The following SLC9A9 variants were observed in gnomAD, a reference collection of about 807,000 sequenced individuals.
The protein encoded by SLC9A9 is sodium/hydrogen exchanger 9.
SLC9A9 carries 62 observed loss-of-function variants against 77.8 expected under a neutral mutation model. That is an observed-to-expected ratio of 0.80 (90% CI 0.65 to 0.98). The LOEUF is 0.98. SLC9A9 is among the 50% of genes least tolerant of loss of function. The pLI is 0.00. For missense variants in SLC9A9, 775 were observed against 774.9 expected (o/e 1.00, Z 0.00); for synonymous variants, 320 against 283.5 (o/e 1.13, Z -1.29).
intron 4 of SLC9A9, among the ~76,000 whole-genome samples, chr3:143,710,579 A>C (rs79108291): frequency 0.028 from 4,245 of 152,282 alleles, 225 homozygotes; most frequent in African/African-American, 0.098. Flanking sequence ...GTCCAGAATC[A>C]CTTGTTTTAA....
intron 14 of SLC9A9, among the ~76,000 whole-genome samples, chr3:143,324,269 T>A (rs2031510683): frequency 3.9e-5 from 6 of 152,160 alleles, no homozygotes; most frequent in Admixed American, 3.9e-4. Flanking sequence ...GAGCCTTGTC[T>A]AAGTCCAGAA....
intron 13 of SLC9A9, among the ~76,000 whole-genome samples, chr3:143,373,131 T>A (rs1311473284): frequency 6.6e-6 from 1 of 152,056 alleles, no homozygotes; most frequent in African/African-American, 2.4e-5. Context: ...AGTCAATATA[T>A]CAAAAAGACA....
chr3:143,697,516 T>C (rs1245218933), intron 4 of SLC9A9, among the ~76,000 whole-genome samples: 1 of 126,186 alleles, frequency 7.9e-6, no homozygotes, highest in African/African-American at 2.8e-5. Flanking sequence ...AATTATTCCT[T>C]TTACAAATGA....
At chr3:143,596,946 G>A (rs1399014545) in intron 6 of SLC9A9, among the ~76,000 whole-genome samples, 1 of 152,180 alleles carries the variant, frequency 6.6e-6, no homozygotes, top group Admixed American at 6.5e-5. Context: ...ACAGGTATGA[G>A]CCACCACACA....
Position 143,552,532 on chromosome 3 carries a change from A to G in SLC9A9, c.1001-82T>C, listed in dbSNP as rs1015232631. 7.7e-6 allele frequency: 9 copies of G among 1,168,010 alleles called. No individual in the cohort carries two copies. The African/African-American group carries it at 1.1e-4, about 14-fold the overall frequency. The allele number at this position is 1,168,010 out of a possible 1,614,324, so 72.4% of individuals were successfully genotyped here. On this transcript the variant is annotated intron_variant, in intron 8 of 15. Coordinates refer to ENST00000316549, the MANE Select transcript of SLC9A9 (RefSeq NM_173653.4). The stretch of plus-strand genomic sequence containing the variant: ...AGGTTAGGGCTATTCCAGTTGGAAA[A>G]TAGACTTGGTGTCAGTAGAGTTAAA...
At chr3:143,325,177 A>G (rs986863072) in intron 14 of SLC9A9, among the ~76,000 whole-genome samples, 11 of 150,626 alleles carry the variant, frequency 7.3e-5, no homozygotes, top group Non-Finnish European at 8.8e-5. Context: ...ATTTGTCTTT[A>G]TTGGCTGTGT....
chr3:143,410,368 G>A (rs1013596573), intron 12 of SLC9A9, among the ~76,000 whole-genome samples: 8 of 152,178 alleles, frequency 5.3e-5, no homozygotes, highest in African/African-American at 1.9e-4. Context: ...CCAACTCCCT[G>A]TATTCAAAAT....
intron 6 of SLC9A9, among the ~76,000 whole-genome samples, chr3:143,598,952 C>A (rs975660471): frequency 7.9e-5 from 12 of 152,134 alleles, no homozygotes; most frequent in African/African-American, 2.9e-4. Context: ...TGTTTTGAGG[C>A]CATTGATTTG....
At chr3:143,487,205 CA>C (rs34290974) in intron 11 of SLC9A9, among the ~76,000 whole-genome samples, 33,225 of 151,714 alleles carry the variant, frequency 0.22, 4,755 homozygotes, top group Non-Finnish European at 0.32. Context: ...TCCAGTACTG[CA>C]AGAAGATATA....
chr3:143,266,540 T>C lies in SLC9A9; in HGVS notation c.*162A>G. 1 of 723,212 alleles carries C rather than the reference T, an allele frequency of 1.4e-6. No individual in the cohort carries two copies. Among genetic ancestry groups the C allele is most frequent in the Non-Finnish European group, 2.4e-6 (1 of 424,436 alleles). 44.8% of individuals were successfully genotyped at this position (723,212 alleles called of 1,614,324 possible). On this transcript the variant is annotated 3_prime_UTR_variant, in exon 16 of 16. Transcript: ENST00000316549. ...TAGAGAGGGATAATAAAATCTCATTTCTTCAGGCACCAGAGGATCCATGTG... is the reference window on the plus strand; with the variant it reads ...TAGAGAGGGATAATAAAATCTCATTCCTTCAGGCACCAGAGGATCCATGTG...
chr3:143,489,451 A>T (rs1330197085), intron 11 of SLC9A9, among the ~76,000 whole-genome samples: 3 of 151,970 alleles, frequency 2.0e-5, no homozygotes, highest in African/African-American at 7.2e-5. Context: ...AGTACAAAGC[A>T]GAAAGACCCA....
intron 6 of SLC9A9, among the ~76,000 whole-genome samples, chr3:143,582,124 AT>A (rs1352968674): frequency 6.6e-6 from 1 of 152,208 alleles, no homozygotes; most frequent in Non-Finnish European, 1.5e-5. Context: ...TTTAGCAGAC[AT>A]TGACTATGCA....
chr3:143,507,272 A>G (rs1460124903), intron 9 of SLC9A9, among the ~76,000 whole-genome samples: 1 of 151,814 alleles, frequency 6.6e-6, no homozygotes, highest in East Asian at 1.9e-4. Context: ...CAGTGGCGCG[A>G]TCTCTGCTCA....
chr3:143,441,906 A>G (rs1477577115), intron 12 of SLC9A9, among the ~76,000 whole-genome samples: 5 of 151,808 alleles, frequency 3.3e-5, no homozygotes, highest in African/African-American at 1.2e-4. Flanking sequence ...CTACTCATCC[A>G]TCCATCCAGC....
intron 6 of SLC9A9, among the ~76,000 whole-genome samples, chr3:143,593,840 C>T (rs2037704147): frequency 6.6e-6 from 1 of 152,136 alleles, no homozygotes; most frequent in Admixed American, 6.5e-5. Flanking sequence ...GGTGAAGACC[C>T]AGGCAACCTC....
chr3:143,796,976 C>T, intron 2 of SLC9A9, 73 bp from the exon 3 acceptor site: 1 of 1,210,616 alleles, frequency 8.3e-7, no homozygotes. Flanking sequence ...TTTCAAAAAA[C>T]AGTTGTAATT....
chr3:143,430,100 T>G (rs1055577523), intron 12 of SLC9A9, among the ~76,000 whole-genome samples: 3 of 152,204 alleles, frequency 2.0e-5, no homozygotes, highest in Non-Finnish European at 2.9e-5. Context: ...GAGGGCATTT[T>G]CAGTCTTATC....
intron 14 of SLC9A9, among the ~76,000 whole-genome samples, chr3:143,314,869 C>T (rs548259030): frequency 1.3e-5 from 2 of 152,218 alleles, no homozygotes; most frequent in Non-Finnish European, 2.9e-5. Flanking sequence ...TGGTGATTAA[C>T]CTCAGAGCCT....
chr3:143,673,001 G>C (rs1215935426), intron 5 of SLC9A9, among the ~76,000 whole-genome samples: 1 of 152,052 alleles, frequency 6.6e-6, no homozygotes, highest in Non-Finnish European at 1.5e-5. Context: ...CACCATCAAA[G>C]GTAAGATAGT....
Sources: gnomAD v4.1 joint callset for allele counts (sites outside exome capture counted in the v4.1 genomes callset) on GRCh38, gnomAD v4.1.1 for gene constraint, MANE v1.5 for transcripts, NCBI Gene and HGNC (gene_info 2026-07-23, HGNC 2026-07-21) for gene names.